The following UPRT variants were observed in gnomAD, a reference collection of about 807,000 sequenced individuals.
UPRT encodes the protein uracil phosphoribosyltransferase homolog, also known as RP11-311P8.3.
In UPRT, 5 loss-of-function variants were observed where a neutral mutation model predicts 22.6. The ratio of observed to expected loss-of-function variants is 0.22; its 90% CI spans 0.12 to 0.47. The LOEUF (loss-of-function observed/expected upper bound fraction) is 0.47, where lower values mean the gene tolerates loss of function less well. Ranked by LOEUF, UPRT falls within the 20% of genes least tolerant of loss-of-function variation. The probability of loss-of-function intolerance (pLI) is 0.99; values close to 1 mark genes in which losing one functional copy is unlikely to be tolerated. For synonymous variants in UPRT, 77 were observed against 87.7 expected (o/e 0.88, Z 0.68); for missense variants, 181 against 239.9 (o/e 0.75, Z 1.62).
At chrX:75,245,591 C>T (rs927425089) in intron 4 of UPRT, among the ~76,000 whole-genome samples, 5 of 112,348 alleles carry the variant, frequency 4.5e-5, no homozygotes, top group Non-Finnish European at 9.4e-5. Context: ...TACATACACA[C>T]TATGGAATAC....
At chrX:75,266,035 A>G (rs1484361912) in intron 4 of UPRT, among the ~76,000 whole-genome samples, 1 of 111,557 alleles carries the variant, frequency 9.0e-6, no homozygotes, top group Non-Finnish European at 1.9e-5. Context: ...TAGAGATTCA[A>G]TGCCATCCCC....
intron 4 of UPRT, among the ~76,000 whole-genome samples, chrX:75,257,066 A>G (rs5937997): frequency 0.56 from 62,352 of 110,715 alleles, 16,128 homozygotes; most frequent in Non-Finnish European, 0.81. Context: ...AACATAACCA[A>G]AAAAGAAAAG....
chrX:75,274,349 G>A lies in UPRT; in HGVS notation c.95G>A (p.Gly32Asp). The change falls in exon 1 of 7, where the codon GGC becomes GAC. Residue 32 changes from glycine (G) to aspartate (D), a missense_variant. Coordinates refer to ENST00000373383, the MANE Select transcript of UPRT (RefSeq NM_145052.4). ...STPSPEQLRP[G>D]DLILDHAGGN... is the part of the protein sequence containing the mutation. Reference sequence around the variant, plus strand: ...CCAAGTCCCGAGCAGCTGCGACCTGGCGATCTGATCCTGGACCACGCAGGG... The same window carrying A: ...CCAAGTCCCGAGCAGCTGCGACCTGACGATCTGATCCTGGACCACGCAGGG... 1 of 1,211,673 alleles carries A rather than the reference G, an allele frequency of 8.3e-7. No homozygotes were observed. The highest frequency in any genetic ancestry group is 1.1e-6 in the Non-Finnish European group (1 of 895,504).
intron 4 of UPRT, among the ~76,000 whole-genome samples, chrX:75,234,964 C>A (rs1327483990): frequency 3.6e-5 from 4 of 111,175 alleles, no homozygotes; most frequent in Non-Finnish European, 5.7e-5. Flanking sequence ...AATAGAGACA[C>A]AAAAAACCCT....
intron 4 of UPRT, among the ~76,000 whole-genome samples, chrX:75,230,636 C>A (rs1180812747): frequency 1.8e-5 from 2 of 112,273 alleles, no homozygotes; most frequent in Non-Finnish European, 3.8e-5. Context: ...GCTAGCATAA[C>A]TAGCATTTGT....
Position 75,278,106 on chromosome X carries a change from A to G in UPRT, c.386+3466A>G, listed in dbSNP as rs754549074. Among the ~76,000 whole-genome samples, 5 of 111,568 alleles carry G rather than the reference A, an allele frequency of 4.5e-5. No individual in the cohort carries two copies. The South Asian group carries it at 1.9e-3, about 42-fold the overall frequency. Reference sequence around the variant, plus strand: ...TAAATGTGCACTGTGGAACTGTCCGATAATAGAAGCCACTGGAGTACATAT... The same window carrying G: ...TAAATGTGCACTGTGGAACTGTCCGGTAATAGAAGCCACTGGAGTACATAT... On this transcript the variant is annotated intron_variant, in intron 1 of 6. Coordinates refer to ENST00000373383, the MANE Select transcript of UPRT (RefSeq NM_145052.4).
chrX:75,156,918 C>CACAT (rs1330428781), intron 1 of UPRT, among the ~76,000 whole-genome samples: 60 of 109,010 alleles, frequency 5.5e-4, no homozygotes, highest in Admixed American at 3.6e-3. Flanking sequence ...CACACACACA[C>CACAT]ACACACACAG....
intron 1 of UPRT, among the ~76,000 whole-genome samples, chrX:75,158,849 G>A (rs949719040): frequency 2.7e-5 from 3 of 110,918 alleles, no homozygotes; most frequent in Non-Finnish European, 5.7e-5. Context: ...ATCTGAAGAG[G>A]CCACCCCCTG....
At chrX:75,287,310 C>A (rs2082686147) in intron 1 of UPRT, among the ~76,000 whole-genome samples, 1 of 111,441 alleles carries the variant, frequency 9.0e-6, no homozygotes, top group African/African-American at 3.3e-5. Flanking sequence ...AGTAATAGTA[C>A]TAGTAGTAGT....
At chrX:75,213,114 A>G (rs1049866536) in intron 4 of UPRT, among the ~76,000 whole-genome samples, 1 of 112,373 alleles carries the variant, frequency 8.9e-6, no homozygotes, top group Non-Finnish European at 1.9e-5. Flanking sequence ...CAGGTGTTTT[A>G]TAGGCAGTCT....
At chrX:75,266,893 A>G (rs1021060614) in intron 4 of UPRT, among the ~76,000 whole-genome samples, 1 of 111,741 alleles carries the variant, frequency 8.9e-6, no homozygotes, top group African/African-American at 3.3e-5. Flanking sequence ...GTGAGATACC[A>G]TCTCACACCA....
In UPRT at chrX:75,304,686, G is replaced by A. The variant is rs2082756845; in HGVS notation, c.*1175G>A. ...CCTCTGTTCAAAAGCACAGAAAAGA[G>A]CAGAAGGAAATGTCTTAGAAAGAAT... On this transcript the variant is annotated 3_prime_UTR_variant, in exon 7 of 7. Transcript: ENST00000373383. 1 of 111,649 alleles carries A rather than the reference G, an allele frequency of 9.0e-6. No homozygotes were observed. Among genetic ancestry groups the A allele is most frequent in the African/African-American group, 3.3e-5 (1 of 30,725 alleles). 9.2% of individuals were successfully genotyped at this position (111,649 alleles called of 1,213,427 possible). A position where few individuals can be genotyped will look rare whatever the true frequency, so the allele number is the denominator to read the frequency against.
intron 2 of UPRT, among the ~76,000 whole-genome samples, chrX:75,294,864 C>A (rs1486375960): frequency 1.8e-5 from 2 of 111,660 alleles, no homozygotes; most frequent in African/African-American, 6.5e-5. Flanking sequence ...TGTTCTTATG[C>A]TCTTTTTCTA....
intron 4 of UPRT, among the ~76,000 whole-genome samples, chrX:75,237,214 G>A (rs2082469428): frequency 8.9e-6 from 1 of 112,034 alleles, no homozygotes; most frequent in Non-Finnish European, 1.9e-5. Flanking sequence ...ACCATCACTG[G>A]CCATCAGAGA....
At chrX:75,202,003 A>T (rs1457305187) in intron 4 of UPRT, among the ~76,000 whole-genome samples, 1 of 111,945 alleles carries the variant, frequency 8.9e-6, no homozygotes, top group African/African-American at 3.2e-5. Flanking sequence ...AACAACTGTT[A>T]AAAGAAGTTC....
At chrX:75,220,131 G>C (rs1031271881) in intron 4 of UPRT, among the ~76,000 whole-genome samples, 2 of 110,998 alleles carry the variant, frequency 1.8e-5, no homozygotes, top group African/African-American at 6.5e-5. Context: ...ATATATTCTT[G>C]CTGAAATGAT....
Position 75,173,501 on chromosome X carries a change from G to A in UPRT, c.-447+5622G>A, listed in dbSNP as rs754590718. ...TGAGCTAGATATAAAGACTCTCCAC[G>A]TCCCCACCAGACTCAGGAGCCTAGC... On this transcript the variant is annotated intron_variant, in intron 4 of 13. Transcript: ENST00000652605. 5.3e-5 allele frequency among the ~76,000 whole-genome samples: 6 copies of A among 112,500 alleles called. No homozygotes were observed. The East Asian group carries it at 1.7e-3, about 32-fold the overall frequency.
At chrX:75,202,318 G>A (rs2082349441) in intron 4 of UPRT, among the ~76,000 whole-genome samples, 1 of 111,049 alleles carries the variant, frequency 9.0e-6, no homozygotes, top group African/African-American at 3.3e-5. Flanking sequence ...CAGTGAACTT[G>A]TGCCCGGCGT....
intron 4 of UPRT, among the ~76,000 whole-genome samples, chrX:75,175,425 C>A (rs1014368441): frequency 8.9e-6 from 1 of 112,261 alleles, no homozygotes; most frequent in African/African-American, 3.2e-5. Flanking sequence ...TCCTAGGATT[C>A]CTCGGATGGT....
Sources: allele counts gnomAD v4.1 joint callset (sites outside exome capture counted in the v4.1 genomes callset), GRCh38; gene constraint gnomAD v4.1.1; transcripts MANE v1.5; gene names NCBI Gene and HGNC (gene_info 2026-07-23, HGNC 2026-07-21).